The following DAB1 variants were observed in gnomAD, a reference collection of about 807,000 sequenced individuals.
DAB1 encodes DAB adaptor protein 1.
In DAB1, 15 loss-of-function variants were observed where a neutral mutation model predicts 64.6. The observed-to-expected ratio is 0.23, with a 90% CI of 0.16 to 0.36. The LOEUF (loss-of-function observed/expected upper bound fraction) is 0.36, where lower values mean the gene tolerates loss of function less well. Ranked by LOEUF, DAB1 falls within the 10% of genes least tolerant of loss-of-function variation. The probability of loss-of-function intolerance (pLI) is 1.00; values close to 1 mark genes in which losing one functional copy is unlikely to be tolerated. For synonymous variants in DAB1, 235 were observed against 251.9 expected (o/e 0.93, Z 0.64); for missense variants, 596 against 706.7 (o/e 0.84, Z 1.78).
chr1:57,927,835 C>T (rs1156402797), intron 5 of DAB1, among the ~76,000 whole-genome samples: 6 of 152,140 alleles, frequency 3.9e-5, no homozygotes, highest in Non-Finnish European at 5.9e-5. Flanking sequence ...ATGATAAAAA[C>T]TTTCAAACAC....
chr1:57,127,084 C>T (rs1000663523), intron 4 of DAB1, among the ~76,000 whole-genome samples: 1 of 152,160 alleles, frequency 6.6e-6, no homozygotes, highest in African/African-American at 2.4e-5. Context: ...ACAAATAGCT[C>T]CTGCAAGGAG....
At chr1:58,311,170 C>A (rs1444984250) in intron 4 of DAB1, among the ~76,000 whole-genome samples, 1 of 152,122 alleles carries the variant, frequency 6.6e-6, no homozygotes, top group Non-Finnish European at 1.5e-5. Flanking sequence ...AAGCCAGTAT[C>A]TTGATGTCTA....
intron 1 of DAB1, among the ~76,000 whole-genome samples, chr1:57,306,226 ACT>A (rs1359160466): frequency 6.6e-6 from 1 of 152,058 alleles, no homozygotes; most frequent in Non-Finnish European, 1.5e-5. Context: ...CAAATATCAC[ACT>A]GTTTCCATAA....
intron 1 of DAB1, among the ~76,000 whole-genome samples, chr1:57,388,019 AC>A (rs1682030218): frequency 6.6e-6 from 1 of 152,072 alleles, no homozygotes; most frequent in Non-Finnish European, 1.5e-5. Context: ...TCAAAGGTTG[AC>A]TTCATCTCCA....
chr1:57,131,407 A>G (rs1657643096), intron 4 of DAB1, among the ~76,000 whole-genome samples: 1 of 152,224 alleles, frequency 6.6e-6, no homozygotes, highest in African/African-American at 2.4e-5. Flanking sequence ...TTTACAGGCT[A>G]GCCCTTATCC....
intron 4 of DAB1, among the ~76,000 whole-genome samples, chr1:57,102,290 T>C (rs578144536): frequency 2.0e-5 from 3 of 152,320 alleles, no homozygotes; most frequent in South Asian, 4.1e-4. Flanking sequence ...ACCCAATCTA[T>C]ATTCTTTCAG....
chr1:58,067,808 G>C (rs1648948063), intron 5 of DAB1, among the ~76,000 whole-genome samples: 1 of 152,140 alleles, frequency 6.6e-6, no homozygotes, highest in Non-Finnish European at 1.5e-5. Context: ...ATGAGTGGGG[G>C]GTAATGAGTG....
chr1:57,024,298 C>T lies in DAB1; in HGVS notation c.787-659G>A, dbSNP rs1012362973. ...CACTGAAAATTCTACAGGGCCTAGT[C>T]GGTGCTGGAATTCCAAAAAGGTCTG... On this transcript the variant is annotated intron_variant, in intron 10 of 14. Transcript: ENST00000371236. 5.9e-5 allele frequency among the ~76,000 whole-genome samples: 9 copies of T among 151,984 alleles called. No homozygotes were observed. The East Asian group carries it at 1.2e-3, about 20-fold the overall frequency.
chr1:58,509,671 G>T (rs112260886), intron 2 of DAB1, among the ~76,000 whole-genome samples: 1 of 145,234 alleles, frequency 6.9e-6, no homozygotes, highest in Non-Finnish European at 1.5e-5. Flanking sequence ...CATAAATAAA[G>T]AAAACAGAGA....
intron 4 of DAB1, among the ~76,000 whole-genome samples, chr1:57,104,026 C>T (rs1388385150): frequency 1.3e-5 from 2 of 152,106 alleles, no homozygotes. Flanking sequence ...ACATGGGGCC[C>T]TGGAGGGTCC....
intron 3 of DAB1, among the ~76,000 whole-genome samples, chr1:58,501,275 G>T (rs1238610796): frequency 1.3e-5 from 2 of 152,050 alleles, no homozygotes; most frequent in Non-Finnish European, 2.9e-5. Flanking sequence ...TAATGTGATG[G>T]GTTATCTTGA....
intron 3 of DAB1, among the ~76,000 whole-genome samples, chr1:58,488,318 T>TTTTA (rs1029137328): frequency 2.0e-5 from 3 of 152,164 alleles, no homozygotes; most frequent in African/African-American, 2.4e-5. Context: ...CATAACTTTG[T>TTTTA]TTTATTTATT....
chr1:57,343,618 C>T (rs918287325), intron 1 of DAB1, among the ~76,000 whole-genome samples: 11 of 152,210 alleles, frequency 7.2e-5, no homozygotes, highest in African/African-American at 1.7e-4. Flanking sequence ...TAAGGCCCGG[C>T]GAGAAATTGA....
At chr1:57,437,243 T>C (rs1052260722) in intron 7 of DAB1, among the ~76,000 whole-genome samples, 1 of 152,010 alleles carries the variant, frequency 6.6e-6, no homozygotes, top group Admixed American at 6.5e-5. Flanking sequence ...CAGAGTCAAA[T>C]TTCAAATAAT....
At chr1:58,199,447 G>A (rs1657879610) in intron 4 of DAB1, among the ~76,000 whole-genome samples, 1 of 152,080 alleles carries the variant, frequency 6.6e-6, no homozygotes, top group Non-Finnish European at 1.5e-5. Flanking sequence ...TACTAGCTTT[G>A]TAACCATGGG....
chr1:57,020,931 C>A (rs1343218157), intron 11 of DAB1, among the ~76,000 whole-genome samples: 1 of 152,234 alleles, frequency 6.6e-6, no homozygotes, highest in Non-Finnish European at 1.5e-5. Flanking sequence ...TTCAAAAGCC[C>A]CCAGGAGCCA....
rs376023069 is a variant in DAB1 at position 57,574,642 on chromosome 1, G to A, written n.625+74950C>T. 2.9e-4 allele frequency among the ~76,000 whole-genome samples: 44 copies of A among 152,256 alleles called. No individual in the cohort carries two copies. The East Asian group carries it at 3.5e-3, about 12-fold the overall frequency. On this transcript the variant is annotated intron_variant and non_coding_transcript_variant, in intron 7 of 20. Transcript: ENST00000485760. Reference sequence around the variant, plus strand: ...CCAGGCTTGTGTCCTAGGTAATCAAGGTAGCTATAGATTAGGAGGGAAGAC... The same window carrying A: ...CCAGGCTTGTGTCCTAGGTAATCAAAGTAGCTATAGATTAGGAGGGAAGAC...
intron 4 of DAB1, among the ~76,000 whole-genome samples, chr1:57,126,649 G>A (rs538457000): frequency 2.6e-5 from 4 of 152,296 alleles, no homozygotes; most frequent in East Asian, 1.9e-4. Flanking sequence ...AATAGTAAGC[G>A]TGATCATTAT....
At chr1:57,292,570 C>A (rs1252874978) in intron 1 of DAB1, among the ~76,000 whole-genome samples, 1 of 152,104 alleles carries the variant, frequency 6.6e-6, no homozygotes, top group East Asian at 1.9e-4. Context: ...GTCTCTAAGA[C>A]AACGTTCAAT....
Sources: allele counts gnomAD v4.1 joint callset (sites outside exome capture counted in the v4.1 genomes callset), GRCh38; gene constraint gnomAD v4.1.1; transcripts MANE v1.5; gene names NCBI Gene and HGNC (gene_info 2026-07-23, HGNC 2026-07-21).